Variants in RASSF5 observed in about 807,000 individuals in gnomAD.
The protein encoded by RASSF5 is ras association domain-containing protein 5.
Under a neutral mutation model 40.5 loss-of-function variants are expected in RASSF5, and 25 were observed. That is an observed-to-expected ratio of 0.62 (90% CI 0.45 to 0.86). The LOEUF (loss-of-function observed/expected upper bound fraction) is 0.86. Among genes scored for constraint, RASSF5 ranks in the 40% least tolerant of loss-of-function variants. The pLI, the probability that RASSF5 is intolerant of heterozygous loss-of-function variation, is 0.00. For missense variants in RASSF5, 521 were observed against 572.8 expected, an observed-to-expected ratio of 0.91 and a Z score of 0.92; for synonymous variants, 246 against 252.4, an observed-to-expected ratio of 0.97 and a Z score of 0.24.
At chr1:206,518,094 G>C (rs945781164) in intron 1 of RASSF5, among the ~76,000 whole-genome samples, 6 of 152,222 alleles carry the variant, frequency 3.9e-5, no homozygotes, top group African/African-American at 1.4e-4. Context: ...AGGCGCGACT[G>C]AGAAGTGAGG....
intron 2 of RASSF5, among the ~76,000 whole-genome samples, chr1:206,555,092 TA>T (rs1200042910): frequency 3.3e-5 from 5 of 152,156 alleles, no homozygotes; most frequent in Non-Finnish European, 7.4e-5. Flanking sequence ...TAATGGATGT[TA>T]AAAAGGTTTG....
At chr1:206,544,845 A>T (rs1553399901) in intron 2 of RASSF5, 2 of 151,772 alleles carry the variant, frequency 1.3e-5, no homozygotes, top group Non-Finnish European at 2.9e-5. Flanking sequence ...CCTCCTGCAG[A>T]CATGCCACTG....
intron 1 of RASSF5, among the ~76,000 whole-genome samples, chr1:206,534,892 T>C (rs950977605): frequency 7.9e-5 from 12 of 152,146 alleles, no homozygotes; most frequent in Non-Finnish European, 1.0e-4. Flanking sequence ...CTAGAAGCCA[T>C]GCTCCACCCA....
intron 2 of RASSF5, chr1:206,580,762 C>T (rs1668839708): frequency 6.6e-6 from 1 of 152,268 alleles, no homozygotes; most frequent in Non-Finnish European, 1.5e-5. Context: ...GGTTCAGTTC[C>T]AGAGACCTGG....
At chr1:206,548,434 C>T (rs1553400568) in intron 2 of RASSF5, among the ~76,000 whole-genome samples, 1 of 152,158 alleles carries the variant, frequency 6.6e-6, no homozygotes, top group African/African-American at 2.4e-5. Context: ...CCAGCTCTCA[C>T]ATGAAGGAAC....
At chr1:206,567,518 A>C (rs1553403584) in intron 2 of RASSF5, among the ~76,000 whole-genome samples, 1 of 152,066 alleles carries the variant, frequency 6.6e-6, no homozygotes, top group African/African-American at 2.4e-5. Context: ...CCTGTACCTG[A>C]AGGGAGCCTG....
rs1381576104 is a variant in RASSF5 at position 206,588,916 on chromosome 1, C to T, written c.*1938C>T. On this transcript the variant is annotated 3_prime_UTR_variant, in exon 6 of 6. Transcript: ENST00000579436. Reference sequence around the variant, plus strand: ...CGCTGTGAATGCTGCTGAGAACCTCCCTCTATGGGGATGGCTATTTTATTT... The same window carrying T: ...CGCTGTGAATGCTGCTGAGAACCTCTCTCTATGGGGATGGCTATTTTATTT... 1 of 152,614 alleles carries T rather than the reference C, an allele frequency of 6.6e-6. No individual in the cohort carries two copies. Among genetic ancestry groups the T allele is most frequent in the African/African-American group, 2.4e-5 (1 of 41,370 alleles). 9.5% of individuals were successfully genotyped at this position (152,614 alleles called of 1,614,324 possible). A position where few individuals can be genotyped will look rare whatever the true frequency, so the allele number is the denominator to read the frequency against.
chr1:206,557,243 G>A (rs1424698470), intron 2 of RASSF5: 1 of 1,115,096 alleles, frequency 9.0e-7, no homozygotes, highest in Non-Finnish European at 1.1e-6. Flanking sequence ...GGCGGCGGAG[G>A]GAGGGCGCTG....
intron 2 of RASSF5, chr1:206,544,593 G>A (rs1553399852): frequency 5.3e-5 from 8 of 152,256 alleles, no homozygotes; most frequent in African/African-American, 1.9e-4. Flanking sequence ...TCCACCCTGT[G>A]GATGAGTCCC....
chr1:206,543,604 G>C (rs900996776), intron 2 of RASSF5: 1 of 152,136 alleles, frequency 6.6e-6, no homozygotes, highest in South Asian at 2.1e-4. Context: ...AATGCAGAAC[G>C]AGGGCCTGGT....
intron 1 of RASSF5, among the ~76,000 whole-genome samples, chr1:206,521,111 T>C (rs138337968): frequency 1.4e-3 from 211 of 152,286 alleles, no homozygotes; most frequent in African/African-American, 4.7e-3. Context: ...CCACCGGGTA[T>C]CTTTAGGAGC....
intron 2 of RASSF5, among the ~76,000 whole-genome samples, chr1:206,578,410 G>A (rs1341062100): frequency 6.6e-6 from 1 of 152,104 alleles, no homozygotes; most frequent in Non-Finnish European, 1.5e-5. Context: ...ATGATGAAAT[G>A]AGCTAATACA....
chr1:206,524,145 T>G (rs1667021756), intron 1 of RASSF5, among the ~76,000 whole-genome samples: 1 of 134,982 alleles, frequency 7.4e-6, no homozygotes, highest in African/African-American at 2.7e-5. Flanking sequence ...TAATATACTT[T>G]ATATATAATA....
chr1:206,561,957 C>T (rs1553402731), intron 2 of RASSF5, among the ~76,000 whole-genome samples: 1 of 151,920 alleles, frequency 6.6e-6, no homozygotes, highest in African/African-American at 2.4e-5. Flanking sequence ...AGTGAGCCAC[C>T]GCACCCGGCC....
At chr1:206,529,618 G>C (rs1270197636) in intron 1 of RASSF5, 7 of 768,566 alleles carry the variant, frequency 9.1e-6, no homozygotes, top group Non-Finnish European at 1.7e-5. Flanking sequence ...TGTCACTGGG[G>C]CGGCAATGTC....
intron 2 of RASSF5, among the ~76,000 whole-genome samples, chr1:206,547,508 C>A (rs1224292618): frequency 6.6e-6 from 1 of 151,944 alleles, no homozygotes; most frequent in African/African-American, 2.4e-5. Context: ...TGTCTCCCAT[C>A]ACCCCCAGAT....
chr1:206,550,229 G>T (rs1182605582), intron 2 of RASSF5, among the ~76,000 whole-genome samples: 1 of 152,076 alleles, frequency 6.6e-6, no homozygotes, highest in African/African-American at 2.4e-5. Flanking sequence ...TTCATTAGTT[G>T]TATCCATTTT....
At chr1:206,558,499 G>C (rs962773829) in intron 2 of RASSF5, among the ~76,000 whole-genome samples, 2 of 152,192 alleles carry the variant, frequency 1.3e-5, no homozygotes, top group Admixed American at 1.3e-4. Flanking sequence ...AGGTTACCTA[G>C]AAGGGGCTGG....
intron 1 of RASSF5, among the ~76,000 whole-genome samples, chr1:206,536,172 C>G (rs1338697142): frequency 6.6e-6 from 1 of 152,138 alleles, no homozygotes; most frequent in Non-Finnish European, 1.5e-5. Flanking sequence ...TTGTGCTGAG[C>G]AAGAGGTCTC....
Sources: gnomAD v4.1 joint callset for allele counts (sites outside exome capture counted in the v4.1 genomes callset) on GRCh38, gnomAD v4.1.1 for gene constraint, MANE v1.5 for transcripts, NCBI Gene and HGNC (gene_info 2026-07-23, HGNC 2026-07-21) for gene names.